Variants in KIAA0232 observed in about 807,000 individuals in gnomAD.
The protein encoded by KIAA0232 is KIAA0232, also known as uncharacterized protein KIAA0232.
KIAA0232 carries 27 observed loss-of-function variants against 122.0 expected under a neutral mutation model. The observed-to-expected ratio is 0.22, with a 90% confidence interval of 0.16 to 0.31. KIAA0232 has a LOEUF of 0.31. KIAA0232 is among the 10% of genes least tolerant of loss of function. KIAA0232 has a pLI of 1.00. For synonymous variants in KIAA0232, 613 were observed against 587.6 expected (o/e 1.04, Z -0.63); for missense variants, 1,551 against 1,634.2 (o/e 0.95, Z 0.88).
Position 6,881,644 on chromosome 4 carries a change from G to A in KIAA0232, c.*678G>A, listed in dbSNP as rs538568502. On this transcript the variant is annotated 3_prime_UTR_variant, in exon 10 of 10. Coordinates refer to ENST00000307659, the MANE Select transcript of KIAA0232 (RefSeq NM_014743.3). ...TAACTGAAGAAGCCAAGGATTTGGG[G>A]TGTGGGGTCGTATGCGAGACACAGT... The A allele has an allele frequency of 6.6e-6, 1 of 152,640 alleles. No individual in the cohort carries two copies. Among genetic ancestry groups the A allele is most frequent in the East Asian group, 1.9e-4 (1 of 5,200 alleles). The allele number at this position is 152,640 out of a possible 1,614,324, so 9.5% of individuals were successfully genotyped here.
At chr4:6,820,196 G>T (rs1718355549) in intron 2 of KIAA0232, among the ~76,000 whole-genome samples, 1 of 152,028 alleles carries the variant, frequency 6.6e-6, no homozygotes, top group Non-Finnish European at 1.5e-5. Flanking sequence ...CCAAACCTCA[G>T]CATCATGCAA....
intron 3 of KIAA0232, among the ~76,000 whole-genome samples, chr4:6,840,845 A>G (rs567793194): frequency 4.5e-4 from 69 of 152,158 alleles, no homozygotes; most frequent in African/African-American, 1.5e-3. Context: ...AGTACAGGAT[A>G]GGAGACTAAA....
chr4:6,813,787 G>A (rs1199445783), intron 2 of KIAA0232, among the ~76,000 whole-genome samples: 1 of 152,032 alleles, frequency 6.6e-6, no homozygotes, highest in Non-Finnish European at 1.5e-5. Context: ...AAGTCCCTGG[G>A]CTGGTTATAA....
chr4:6,795,057 A>G (rs961626168), intron 1 of KIAA0232, among the ~76,000 whole-genome samples: 1 of 149,374 alleles, frequency 6.7e-6, no homozygotes, highest in Non-Finnish European at 1.5e-5. Flanking sequence ...TAAGGCAGCC[A>G]CAAGCCACAT....
chr4:6,867,063 T>A (rs1721224122), intron 7 of KIAA0232, among the ~76,000 whole-genome samples: 3 of 152,270 alleles, frequency 2.0e-5, no homozygotes, highest in African/African-American at 7.2e-5. Context: ...TTCCTATTTT[T>A]TCTTTTTGCT....
chr4:6,787,734 GTC>G (rs1716692852), intron 1 of KIAA0232, among the ~76,000 whole-genome samples: 1 of 151,800 alleles, frequency 6.6e-6, no homozygotes, highest in Admixed American at 6.6e-5. Flanking sequence ...CTTTTTTCTG[GTC>G]TCTCCTCCTC....
intron 1 of KIAA0232, among the ~76,000 whole-genome samples, chr4:6,786,849 A>T (rs1280574281): frequency 6.6e-6 from 1 of 152,126 alleles, no homozygotes; most frequent in East Asian, 1.9e-4. Flanking sequence ...TCACCGACCC[A>T]TTTTTTGGGC....
chr4:6,876,599 C>A, intron 8 of KIAA0232, 61 bp from the exon 9 acceptor site: 1 of 1,108,340 alleles, frequency 9.0e-7, no homozygotes, highest in Non-Finnish European at 1.4e-6. Context: ...TGTTTCATAA[C>A]TGTGTCTTAA....
At position 6,864,151 on chromosome 4, in the gene KIAA0232, G is replaced by A; in HGVS notation, c.3769G>A (p.Asp1257Asn). 1 of 1,613,582 alleles carries A rather than the reference G, an allele frequency of 6.2e-7. No individual in the cohort carries two copies. The highest frequency in any genetic ancestry group is 8.5e-7 in the Non-Finnish European group (1 of 1,179,706). Residue 1257 changes from aspartate (D) to asparagine (N), a missense_variant, in exon 7 of 10, where the codon GAT (aspartate) becomes AAT (asparagine). Asp to Asn is a conservative substitution (Grantham distance 23, BLOSUM62 1). This residue lies in a region of KIAA0232 where 1,108 missense variants were observed against 1,154.8 expected (regional missense o/e 0.96). Transcript: ENST00000307659. ...AGGTTGTCAGTTTCCTGCTTATGAA[G>A]ATAATCCAGTTTCTTCGGGACAGCT... Reference protein sequence around the residue: ...KAGCQFPAYEDNPVSSGQLEE... With the variant: ...KAGCQFPAYENNPVSSGQLEE...
chr4:6,850,508 T>A (rs1156490555), intron 4 of KIAA0232, among the ~76,000 whole-genome samples: 1 of 152,192 alleles, frequency 6.6e-6, no homozygotes, highest in East Asian at 1.9e-4. Flanking sequence ...TTAAAAATTT[T>A]AAAATTTTTT....
At chr4:6,846,910 G>A (rs1719996962) in intron 4 of KIAA0232, among the ~76,000 whole-genome samples, 1 of 152,130 alleles carries the variant, frequency 6.6e-6, no homozygotes, top group African/African-American at 2.4e-5. Context: ...GTGGTACTGT[G>A]TGCTATGCTT....
intron 7 of KIAA0232, among the ~76,000 whole-genome samples, chr4:6,868,904 G>A (rs1402128065): frequency 6.6e-6 from 1 of 152,176 alleles, no homozygotes; most frequent in Admixed American, 6.5e-5. Flanking sequence ...CAAATTTATG[G>A]TAGAAACTGG....
intron 2 of KIAA0232, among the ~76,000 whole-genome samples, chr4:6,819,724 A>G (rs1295450238): frequency 6.6e-6 from 1 of 152,206 alleles, no homozygotes; most frequent in Non-Finnish European, 1.5e-5. Flanking sequence ...CAGAACTACC[A>G]TTTGACCCAG....
intron 4 of KIAA0232, among the ~76,000 whole-genome samples, chr4:6,843,552 T>A (rs1470466045): frequency 6.6e-6 from 1 of 152,148 alleles, no homozygotes; most frequent in Non-Finnish European, 1.5e-5. Context: ...GCAGATCACC[T>A]GAGGTCAGGA....
intron 1 of KIAA0232, among the ~76,000 whole-genome samples, chr4:6,783,604 A>G (rs983097869): frequency 6.7e-6 from 1 of 149,460 alleles, no homozygotes; most frequent in African/African-American, 2.5e-5. Context: ...GGAAGGGAAA[A>G]CCGCCGGGCG....
rs575383330 is a variant in KIAA0232 at position 6,879,485 on chromosome 4, C to T, written c.4009-1302C>T. ...TCTACAGCCCTGTATGTTTTGCCCC[C>T]GTCTGCCTTTGACCTCATCTGTCTC... On this transcript the variant is annotated intron_variant, in intron 9 of 9. Coordinates refer to ENST00000307659, the MANE Select transcript of KIAA0232 (RefSeq NM_014743.3). Among the ~76,000 whole-genome samples, 12 of 152,292 alleles carry T rather than the reference C, an allele frequency of 7.9e-5. 1 individual carries two copies. Among genetic ancestry groups the T allele is most frequent in the Admixed American group, 7.8e-4 (12 of 15,294 alleles).
intron 4 of KIAA0232, among the ~76,000 whole-genome samples, 181 bp downstream of exon 4, chr4:6,842,385 A>G (rs1719710981): frequency 6.6e-6 from 1 of 152,106 alleles, no homozygotes; most frequent in South Asian, 2.1e-4. Flanking sequence ...GAAGTTTTAT[A>G]TGCTTTTCTT....
At chr4:6,836,056 AATGGTTGAACTAATTTAC>A (rs1279927372) in intron 3 of KIAA0232, among the ~76,000 whole-genome samples, 6 of 152,198 alleles carry the variant, frequency 3.9e-5, no homozygotes, top group Non-Finnish European at 8.8e-5. Context: ...TGTCTTCCAC[AATGGTTGAACTAATTTAC>A]AGTCCCACCA....
intron 7 of KIAA0232, among the ~76,000 whole-genome samples, chr4:6,869,429 A>C (rs1267843278): frequency 6.6e-6 from 1 of 152,216 alleles, no homozygotes; most frequent in Non-Finnish European, 1.5e-5. Flanking sequence ...CTCACAGGAC[A>C]GGCAAGGCCT....
Sources: allele counts gnomAD v4.1 joint callset (sites outside exome capture counted in the v4.1 genomes callset), GRCh38; gene constraint gnomAD v4.1.1; regional missense constraint gnomAD v4.1.1; transcripts MANE v1.5; gene names NCBI Gene and HGNC (gene_info 2026-07-23, HGNC 2026-07-21).